Variants in PDGFC observed in about 807,000 individuals in gnomAD.
The protein encoded by PDGFC is platelet-derived growth factor C.
In PDGFC, 12 loss-of-function variants were observed where a neutral mutation model predicts 35.5. That is an observed-to-expected ratio of 0.34 (90% CI 0.22 to 0.55). The LOEUF (loss-of-function observed/expected upper bound fraction) is 0.55, where lower values mean the gene tolerates loss of function less well. PDGFC is among the 20% of genes least tolerant of loss of function. The pLI, the probability that PDGFC is intolerant of heterozygous loss-of-function variation, is 0.91. For synonymous variants in PDGFC, 159 were observed against 148.8 expected (o/e 1.07, Z -0.50); for missense variants, 322 against 412.4 (o/e 0.78, Z 1.90).
intron 2 of PDGFC, among the ~76,000 whole-genome samples, chr4:156,818,889 T>A (rs1732170440): frequency 6.6e-6 from 1 of 152,144 alleles, no homozygotes. Flanking sequence ...ATTGGCCTTG[T>A]TCCAATATTC....
intron 1 of PDGFC, among the ~76,000 whole-genome samples, chr4:156,950,532 C>T (rs11735014): frequency 0.013 from 2,015 of 151,822 alleles, 40 homozygotes; most frequent in Admixed American, 0.064. Context: ...TTTTCACATC[C>T]TTACTTTGAA....
At chr4:156,819,413 T>G (rs1732186301) in intron 2 of PDGFC, among the ~76,000 whole-genome samples, 3 of 152,178 alleles carry the variant, frequency 2.0e-5, no homozygotes, top group Admixed American at 1.3e-4. Context: ...GACTTTACGT[T>G]GAAGCTAATG....
At chr4:156,925,438 A>G (rs1261880826) in intron 1 of PDGFC, among the ~76,000 whole-genome samples, 2 of 152,158 alleles carry the variant, frequency 1.3e-5, no homozygotes, top group African/African-American at 4.8e-5. Context: ...CTGGGATGCA[A>G]TCAGGGCAGA....
At chr4:156,773,662 T>C (rs1578999798) in intron 3 of PDGFC, 1 of 152,188 alleles carries the variant, frequency 6.6e-6, no homozygotes, top group Non-Finnish European at 1.5e-5. Flanking sequence ...CAAAGAGAGA[T>C]ATTATTTCAC....
rs1239235632 is a variant in PDGFC, at chr4:156,760,813, G to A, written c.*2277C>T. Reference sequence around the variant, plus strand: ...TATTAAAAAAGGGAAAATATATTTCGTTCAAAGATGGGAAACAATGGATTA... The same window carrying A: ...TATTAAAAAAGGGAAAATATATTTCATTCAAAGATGGGAAACAATGGATTA... On this transcript the variant is annotated 3_prime_UTR_variant, in exon 6 of 6. Transcript: ENST00000502773. The A allele has an allele frequency of 3.9e-5, 6 of 152,054 alleles. No homozygotes were observed. The highest frequency in any genetic ancestry group is 4.1e-4 in the South Asian group (2 of 4,832). The allele number at this position is 152,054 out of a possible 1,614,324, so 9.4% of individuals were successfully genotyped here. A position where few individuals can be genotyped will look rare whatever the true frequency, so the allele number is the denominator to read the frequency against.
intron 1 of PDGFC, among the ~76,000 whole-genome samples, chr4:156,935,986 GC>G (rs2110891972): frequency 6.6e-6 from 1 of 152,274 alleles, no homozygotes; most frequent in Non-Finnish European, 1.5e-5. Flanking sequence ...CCTGACAATT[GC>G]TAGAACGAAA....
At chr4:156,825,582 A>AAGAAGAAGAAGAAGGAGAAGG (rs1732430485) in intron 2 of PDGFC, among the ~76,000 whole-genome samples, 1 of 109,642 alleles carries the variant, frequency 9.1e-6, no homozygotes, top group African/African-American at 4.2e-5. Flanking sequence ...TAATAATAAT[A>AAGAAGAAGAAGAAGGAGAAGG]ATAATAATAA....
At chr4:156,918,505 G>A (rs1163418364) in intron 1 of PDGFC, among the ~76,000 whole-genome samples, 1 of 152,152 alleles carries the variant, frequency 6.6e-6, no homozygotes, top group Non-Finnish European at 1.5e-5. Flanking sequence ...TTAGGAACTG[G>A]GCCACACAGC....
At chr4:156,956,419 A>C (rs1732211095) in intron 1 of PDGFC, among the ~76,000 whole-genome samples, 2 of 152,092 alleles carry the variant, frequency 1.3e-5, no homozygotes, top group Admixed American at 1.3e-4. Context: ...TCTGAATTTT[A>C]ATAAGGTGAT....
chr4:156,927,425 A>G (rs1731440976), intron 1 of PDGFC, among the ~76,000 whole-genome samples: 1 of 152,088 alleles, frequency 6.6e-6, no homozygotes, highest in South Asian at 2.1e-4. Flanking sequence ...TCACAACTTT[A>G]ATGCTCTGTT....
chr4:156,961,250 TA>T (rs1732336223), intron 1 of PDGFC, among the ~76,000 whole-genome samples: 1 of 152,046 alleles, frequency 6.6e-6, no homozygotes, highest in Non-Finnish European at 1.5e-5. Context: ...GATAAATAAT[TA>T]TGACTACTTA....
intron 3 of PDGFC, among the ~76,000 whole-genome samples, chr4:156,807,811 A>AAAATG (rs1218118912): frequency 6.6e-6 from 1 of 152,134 alleles, no homozygotes; most frequent in Non-Finnish European, 1.5e-5. Flanking sequence ...GTCCTAGAAA[A>AAAATG]AAATGTGATT....
At chr4:156,856,069 G>C (rs1044461619) in intron 1 of PDGFC, among the ~76,000 whole-genome samples, 9 of 152,096 alleles carry the variant, frequency 5.9e-5, no homozygotes, top group African/African-American at 2.2e-4. Context: ...TGATGGGCTA[G>C]AGGGAAAAGA....
chr4:156,899,802 G>A (rs978039500), intron 1 of PDGFC, among the ~76,000 whole-genome samples: 1 of 152,110 alleles, frequency 6.6e-6, no homozygotes, highest in Non-Finnish European at 1.5e-5. Context: ...GTGACAGAGT[G>A]AGACTCCATC....
chr4:156,850,617 T>A (rs1729430656), intron 1 of PDGFC, among the ~76,000 whole-genome samples: 1 of 152,140 alleles, frequency 6.6e-6, no homozygotes, highest in African/African-American at 2.4e-5. Context: ...GTTTCATATT[T>A]ATACTTGAAG....
At chr4:156,824,500 T>C (rs957425213) in intron 2 of PDGFC, among the ~76,000 whole-genome samples, 3 of 151,788 alleles carry the variant, frequency 2.0e-5, no homozygotes, top group African/African-American at 4.8e-5. Flanking sequence ...AGCAAAAATA[T>C]TGAGTACTTA....
At chr4:156,804,606 T>C (rs1000879195) in intron 3 of PDGFC, among the ~76,000 whole-genome samples, 4 of 151,988 alleles carry the variant, frequency 2.6e-5, no homozygotes, top group Admixed American at 6.6e-5. Flanking sequence ...GGTATTTTTT[T>C]CCTCCAAAAC....
intron 1 of PDGFC, among the ~76,000 whole-genome samples, chr4:156,962,719 A>G (rs529416847): frequency 6.6e-6 from 1 of 152,132 alleles, no homozygotes; most frequent in Non-Finnish European, 1.5e-5. Flanking sequence ...CCAAACATCT[A>G]CCAGCTGTGG....
chr4:156,921,849 C>A (rs1369756543), intron 1 of PDGFC, among the ~76,000 whole-genome samples: 1 of 152,062 alleles, frequency 6.6e-6, no homozygotes, highest in Non-Finnish European at 1.5e-5. Flanking sequence ...TGTCAATATT[C>A]TTCCCTCCTC....
Sources: gnomAD v4.1 joint callset for allele counts (sites outside exome capture counted in the v4.1 genomes callset) on GRCh38, gnomAD v4.1.1 for gene constraint, MANE v1.5 for transcripts, NCBI Gene and HGNC (gene_info 2026-07-23, HGNC 2026-07-21) for gene names.